The following CUX1 variants were observed in gnomAD, a reference collection of about 807,000 sequenced individuals.
CUX1 encodes the protein protein CASP.
A neutral mutation model predicts 158.8 loss-of-function variants in CUX1; 31 were observed. That is an observed-to-expected ratio of 0.20 (90% CI 0.15 to 0.26). The LOEUF is 0.26. CUX1 is among the 10% of genes least tolerant of loss of function. The probability of loss-of-function intolerance (pLI) is 1.00; values close to 1 mark genes in which losing one functional copy is unlikely to be tolerated. For synonymous variants in CUX1, 879 were observed against 862.1 expected (o/e 1.02, Z -0.34); for missense variants, 1,589 against 2,014.6 (o/e 0.79, Z 4.04).
Position 101,905,389 on chromosome 7 carries a change from G to A in CUX1, c.31-10726G>A, listed in dbSNP as rs572409509. ...GCTGGAGCGACAGCCACAGCAGACC[G>A]CTCTGCATCCCTGTATGCGTTGTGG... On this transcript the variant is annotated intron_variant, in intron 1 of 23. Coordinates refer to ENST00000292535, the MANE Select transcript of CUX1 (RefSeq NM_181552.4). Among the ~76,000 whole-genome samples the A allele has an allele frequency of 6.6e-5, 10 of 152,304 alleles. No homozygotes were observed. In the East Asian group the frequency reaches 1.3e-3, roughly 21 times the overall value.
intron 11 of CUX1, among the ~76,000 whole-genome samples, chr7:102,182,703 G>A (rs973586227): frequency 1.5e-4 from 23 of 152,270 alleles, no homozygotes; most frequent in Middle Eastern, 3.4e-3. Context: ...GAAATAGCCC[G>A]ACCGCCGTGA....
At position 101,825,782 on chromosome 7, in the gene CUX1, TGTGTGTGTGTGTGTGTGCGC is replaced by T. The variant is rs1425522486; in HGVS notation, c.30+8115_30+8134del. Among the ~76,000 whole-genome samples the T allele has an allele frequency of 1.7e-4, 17 of 100,596 alleles. 1 individual carries two copies. The highest frequency in any genetic ancestry group is 9.3e-4 in the South Asian group (3 of 3,210). The allele number at this position is 100,596 out of a possible 152,430, so 66.0% of individuals were successfully genotyped here. On this transcript the variant is annotated intron_variant, in intron 1 of 23. Coordinates refer to ENST00000292535, the MANE Select transcript of CUX1 (RefSeq NM_181552.4). ...GTGTGTGTGTGTGTGTGTGTGTGTGTGTGTGTGTGTGTGTGTGCGCGCGCGCGCGCAGTTAGTCTTCGGGG... is the reference window on the plus strand; with the variant it reads ...GTGTGTGTGTGTGTGTGTGTGTGTGTGCGCGCGCGCAGTTAGTCTTCGGGG...
At chr7:102,180,602 T>C (rs1792927044) in intron 11 of CUX1, among the ~76,000 whole-genome samples, 1 of 151,654 alleles carries the variant, frequency 6.6e-6, no homozygotes, top group Non-Finnish European at 1.5e-5. Flanking sequence ...TTTGGGATTA[T>C]AGGCATGAGC....
intron 1 of CUX1, among the ~76,000 whole-genome samples, chr7:101,842,790 GT>G (rs553781717): frequency 3.9e-3 from 530 of 134,634 alleles, no homozygotes; most frequent in African/African-American, 0.011. Context: ...TGATGTATTG[GT>G]TTTTTTTTTT....
intron 1 of CUX1, among the ~76,000 whole-genome samples, chr7:101,834,602 T>G (rs1416338412): frequency 1.3e-5 from 2 of 152,220 alleles, no homozygotes; most frequent in Admixed American, 6.5e-5. Context: ...TTTTTTCTGT[T>G]CTAAACGTGC....
chr7:101,873,958 A>C (rs944756501), intron 1 of CUX1, among the ~76,000 whole-genome samples: 2 of 152,250 alleles, frequency 1.3e-5, no homozygotes, highest in African/African-American at 4.8e-5. Context: ...TATCTACAGG[A>C]AAATGAACAC....
At chr7:102,245,870 G>A (rs1554536688) in intron 23 of CUX1, among the ~76,000 whole-genome samples, 1 of 151,862 alleles carries the variant, frequency 6.6e-6, no homozygotes, top group Non-Finnish European at 1.5e-5. Context: ...TATTTGGGAG[G>A]CTGAGGCAGG....
At chr7:102,141,220 C>G (rs1453765242) in intron 8 of CUX1, among the ~76,000 whole-genome samples, 2 of 152,094 alleles carry the variant, frequency 1.3e-5, no homozygotes, top group Non-Finnish European at 2.9e-5. Context: ...TCGGTGCCAG[C>G]GAGAGGAAGA....
At chr7:102,147,251 C>T (rs782341788) in intron 8 of CUX1, among the ~76,000 whole-genome samples, 3 of 152,100 alleles carry the variant, frequency 2.0e-5, no homozygotes, top group Non-Finnish European at 4.4e-5. Flanking sequence ...GGGTGGAAAA[C>T]GAAAGATAGG....
chr7:102,010,191 C>G (rs1386859263), intron 2 of CUX1, among the ~76,000 whole-genome samples: 1 of 151,790 alleles, frequency 6.6e-6, no homozygotes, highest in African/African-American at 2.4e-5. Context: ...GTCAGGAGTT[C>G]GAGACCAGCC....
Position 101,976,900 on chromosome 7 carries a change from A to ATTTTTTTTTTTTTTTTTTTTTTT in CUX1, c.142-51192_142-51170dup, listed in dbSNP as rs10643207. ...ATTTGAATAGTCTTTTCCCTTTCTG[A>ATTTTTTTTTTTTTTTTTTTTTTT]TTTTTTTTTTTTTTTTTTTTTTTTT... On this transcript the variant is annotated intron_variant, in intron 2 of 23. Transcript: ENST00000292535. Among the ~76,000 whole-genome samples, 2 of 39,460 alleles carry ATTTTTTTTTTTTTTTTTTTTTTT rather than the reference A, an allele frequency of 5.1e-5. 1 individual carries two copies. The highest frequency in any genetic ancestry group is 8.4e-5 in the Non-Finnish European group (2 of 23,756). The allele number at this position is 39,460 out of a possible 152,430, so 25.9% of individuals were successfully genotyped here. A position where few individuals can be genotyped will look rare whatever the true frequency, so the allele number is the denominator to read the frequency against.
intron 2 of CUX1, among the ~76,000 whole-genome samples, chr7:101,929,968 A>G (rs1010042212): frequency 5.9e-5 from 9 of 152,102 alleles, no homozygotes; most frequent in African/African-American, 1.9e-4. Flanking sequence ...CAGCCTCCCA[A>G]GTAGCTGGGA....
chr7:102,138,373 T>C (rs1331322276), intron 8 of CUX1, among the ~76,000 whole-genome samples: 1 of 152,178 alleles, frequency 6.6e-6, no homozygotes, highest in Non-Finnish European at 1.5e-5. Flanking sequence ...TTTTTCTAAT[T>C]CACAGTATCT....
At chr7:101,929,185 AAAAAT>A (rs1806009386) in intron 2 of CUX1, among the ~76,000 whole-genome samples, 2 of 152,110 alleles carry the variant, frequency 1.3e-5, no homozygotes, top group Admixed American at 6.5e-5. Context: ...CAAAATAAAT[AAAAAT>A]AAAATAAAGC....
chr7:102,280,048 T>G, exon 19 of CUX1: 1 of 1,607,618 alleles, frequency 6.2e-7, no homozygotes, highest in Non-Finnish European at 8.5e-7. Flanking sequence ...GCAGCGGCAG[T>G]GATGACACGG....
chr7:102,121,166 ATTTTATT>A (rs1399357779), intron 8 of CUX1, among the ~76,000 whole-genome samples: 2 of 152,016 alleles, frequency 1.3e-5, no homozygotes, highest in Non-Finnish European at 2.9e-5. Context: ...CTTTCTTTTT[ATTTTATT>A]TTTTATTTTT....
chr7:102,106,982 C>G (rs1208940021), intron 6 of CUX1, among the ~76,000 whole-genome samples: 1 of 152,182 alleles, frequency 6.6e-6, no homozygotes, highest in Non-Finnish European at 1.5e-5. Flanking sequence ...AATCCCAGCA[C>G]TTTGAGAGGC....
intron 4 of CUX1, among the ~76,000 whole-genome samples, chr7:102,072,480 T>C (rs534521267): frequency 1.9e-4 from 29 of 152,358 alleles, no homozygotes; most frequent in African/African-American, 7.0e-4. Context: ...GCAATCAGTC[T>C]GGTTGGTTGC....
At chr7:101,981,945 G>A (rs1813502539) in intron 2 of CUX1, among the ~76,000 whole-genome samples, 1 of 152,172 alleles carries the variant, frequency 6.6e-6, no homozygotes, top group South Asian at 2.1e-4. Context: ...AACCAGGGAG[G>A]TTTCGCTCAG....
Sources: gnomAD v4.1 joint callset for allele counts (sites outside exome capture counted in the v4.1 genomes callset) on GRCh38, gnomAD v4.1.1 for gene constraint, MANE v1.5 for transcripts, NCBI Gene and HGNC (gene_info 2026-07-23, HGNC 2026-07-21) for gene names.